Variants in OXR1 observed in about 807,000 individuals in gnomAD.
OXR1 encodes the protein oxidation resistance protein 1.
In OXR1, 41 loss-of-function variants were observed where a neutral mutation model predicts 104.6. The observed-to-expected ratio is 0.39, with a 90% CI of 0.31 to 0.51. OXR1 has a LOEUF of 0.51. OXR1 is among the 20% of genes least tolerant of loss of function. The probability of loss-of-function intolerance (pLI) is 0.77; values close to 1 mark genes in which losing one functional copy is unlikely to be tolerated. For synonymous variants in OXR1, 348 were observed against 348.4 expected (o/e 1.00, Z 0.01); for missense variants, 955 against 1,031.9 (o/e 0.93, Z 1.02).
chr8:106,316,720 CTATCTAT>C (rs1813966567), intron 1 of OXR1, among the ~76,000 whole-genome samples: 1 of 11,560 alleles, frequency 8.7e-5, no homozygotes, highest in Non-Finnish European at 2.2e-4. Flanking sequence ...TATCTATCAT[CTATCTAT>C]CTATCTATCT....
intron 2 of OXR1, among the ~76,000 whole-genome samples, chr8:106,433,629 G>C (rs959504170): frequency 6.6e-6 from 1 of 152,116 alleles, no homozygotes; most frequent in Non-Finnish European, 1.5e-5. Context: ...TTAGAAGCAA[G>C]GTAGAGTCAA....
chr8:106,406,123 C>G (rs1001209433), intron 2 of OXR1, among the ~76,000 whole-genome samples: 3 of 152,086 alleles, frequency 2.0e-5, no homozygotes, highest in Non-Finnish European at 4.4e-5. Flanking sequence ...TTACCCCGAC[C>G]TAATCTTGTC....
At chr8:106,291,640 C>A (rs1050280751) in intron 1 of OXR1, among the ~76,000 whole-genome samples, 4 of 152,062 alleles carry the variant, frequency 2.6e-5, no homozygotes, top group Admixed American at 1.3e-4. Flanking sequence ...TTTCAAATTG[C>A]TTGTCATTCT....
chr8:106,714,041 G>A (rs1393602793), intron 11 of OXR1, 56 bp downstream of exon 11: 1 of 1,330,442 alleles, frequency 7.5e-7, no homozygotes. Flanking sequence ...TGAATTTATA[G>A]CTTTATGGTA....
intron 3 of OXR1, among the ~76,000 whole-genome samples, chr8:106,551,687 C>G (rs1394302157): frequency 6.6e-6 from 1 of 151,384 alleles, no homozygotes; most frequent in Non-Finnish European, 1.5e-5. Context: ...ATGGCTCCCA[C>G]CTGTAATCCC....
At chr8:106,552,743 G>A (rs976693358) in intron 3 of OXR1, among the ~76,000 whole-genome samples, 14 of 152,166 alleles carry the variant, frequency 9.2e-5, no homozygotes, top group African/African-American at 2.9e-4. Flanking sequence ...GGTGGCTGAA[G>A]ACTATATTTA....
intron 2 of OXR1, among the ~76,000 whole-genome samples, chr8:106,442,573 A>C (rs1189318183): frequency 6.6e-6 from 1 of 152,030 alleles, no homozygotes; most frequent in Non-Finnish European, 1.5e-5. Context: ...GTAGGCTATT[A>C]ATTACTACCT....
At chr8:106,371,846 G>A (rs1816720284) in intron 2 of OXR1, among the ~76,000 whole-genome samples, 1 of 152,226 alleles carries the variant, frequency 6.6e-6, no homozygotes, top group East Asian at 1.9e-4. Context: ...AGGTGTGTTG[G>A]GCTGTGGGGA....
At chr8:106,713,569 A>G (rs1394777121) in intron 10 of OXR1, among the ~76,000 whole-genome samples, 1 of 151,978 alleles carries the variant, frequency 6.6e-6, no homozygotes, top group Non-Finnish European at 1.5e-5. Flanking sequence ...TATAATATAC[A>G]ACATCTGAAC....
intron 2 of OXR1, among the ~76,000 whole-genome samples, chr8:106,398,490 G>T (rs1023184249): frequency 6.6e-6 from 1 of 152,080 alleles, no homozygotes; most frequent in Non-Finnish European, 1.5e-5. Context: ...TTCTGCCTTG[G>T]GCAAGGAATG....
intron 2 of OXR1, among the ~76,000 whole-genome samples, chr8:106,440,504 A>T (rs1465182800): frequency 6.6e-6 from 1 of 152,128 alleles, no homozygotes; most frequent in Non-Finnish European, 1.5e-5. Context: ...AGATACTTCC[A>T]TTCCTTTCTA....
intron 3 of OXR1, among the ~76,000 whole-genome samples, chr8:106,544,911 G>A (rs1212093055): frequency 6.6e-6 from 1 of 152,184 alleles, no homozygotes; most frequent in Non-Finnish European, 1.5e-5. Flanking sequence ...TACTGCAAAA[G>A]TGATTATCCA....
intron 1 of OXR1, among the ~76,000 whole-genome samples, chr8:106,334,525 T>A (rs1338367075): frequency 6.6e-6 from 1 of 152,232 alleles, no homozygotes; most frequent in East Asian, 1.9e-4. Flanking sequence ...AAGCTTTTAG[T>A]CTTTTACCAT....
intron 1 of OXR1, among the ~76,000 whole-genome samples, chr8:106,314,123 C>A (rs577224857): frequency 2.6e-5 from 4 of 152,292 alleles, no homozygotes; most frequent in African/African-American, 9.6e-5. Flanking sequence ...AGCACATACG[C>A]AGCCTGCATG....
Position 106,531,082 on chromosome 8 carries a change from T to A in OXR1, c.220+11943T>A, listed in dbSNP as rs145077266. 3.1e-3 allele frequency among the ~76,000 whole-genome samples: 465 copies of A among 152,314 alleles called. 5 individuals are homozygous for A. The highest frequency in any genetic ancestry group is 5.4e-3 in the Non-Finnish European group (364 of 68,010). ...AGTTTAGTTAATTTAGATTGGTATC[T>A]TTTGAGGGAGAAAGCCCATAATGTG... On this transcript the variant is annotated intron_variant, in intron 3 of 16. Coordinates refer to ENST00000517566, the MANE Select transcript of OXR1 (RefSeq NM_001198533.2).
chr8:106,436,232 T>C (rs1049245270), intron 2 of OXR1, among the ~76,000 whole-genome samples: 8 of 152,142 alleles, frequency 5.3e-5, no homozygotes, highest in African/African-American at 1.9e-4. Flanking sequence ...ATGTCATTTC[T>C]GGTTGGCATG....
At chr8:106,390,732 G>A (rs1159834317) in intron 2 of OXR1, among the ~76,000 whole-genome samples, 1 of 152,080 alleles carries the variant, frequency 6.6e-6, no homozygotes, top group Non-Finnish European at 1.5e-5. Flanking sequence ...TGTTAATTTG[G>A]TAATGGTAAT....
chr8:106,431,401 C>T (rs1044571622), intron 2 of OXR1, among the ~76,000 whole-genome samples: 11 of 152,152 alleles, frequency 7.2e-5, no homozygotes, highest in African/African-American at 2.7e-4. Context: ...GCTCAGTTTC[C>T]TCCCTGTAAC....
At chr8:106,702,149 A>G (rs757860964) in intron 7 of OXR1, among the ~76,000 whole-genome samples, 1 of 152,104 alleles carries the variant, frequency 6.6e-6, no homozygotes, top group African/African-American at 2.4e-5. Flanking sequence ...TGTGTTTTTC[A>G]GTAGAGATGG....
Sources: allele counts gnomAD v4.1 joint callset (sites outside exome capture counted in the v4.1 genomes callset), GRCh38; gene constraint gnomAD v4.1.1; transcripts MANE v1.5; gene names NCBI Gene and HGNC (gene_info 2026-07-23, HGNC 2026-07-21).